Variants in CFTR observed in about 807,000 individuals in gnomAD.
The protein encoded by CFTR is cystic fibrosis transmembrane conductance regulator.
In CFTR, 181 loss-of-function variants were observed where a neutral mutation model predicts 171.6. The observed-to-expected ratio is 1.05, with a 90% CI of 0.93 to 1.19. The LOEUF (loss-of-function observed/expected upper bound fraction) is 1.19. CFTR is among the 50% of genes most tolerant of loss of function. The pLI is 0.00. For missense variants in CFTR, 1,968 were observed against 1,734.7 expected (o/e 1.13, Z -2.39); for synonymous variants, 583 against 608.0 (o/e 0.96, Z 0.60).
chr7:117,650,971 C>G (rs1314612738), intron 23 of CFTR, among the ~76,000 whole-genome samples: 1 of 152,164 alleles, frequency 6.6e-6, no homozygotes, highest in Non-Finnish European at 1.5e-5. Context: ...TGAATTCCAG[C>G]TCCTACTATC....
At chr7:117,535,442 T>G (rs1471582697) in intron 6 of CFTR, 31 bp downstream of exon 6, 1 of 1,609,366 alleles carries the variant, frequency 6.2e-7, no homozygotes, top group Admixed American at 1.7e-5. Context: ...CTTGAAAGTT[T>G]TAAAAATTAT....
intron 14 of CFTR, 44 bp downstream of exon 14, chr7:117,592,701 A>C (rs375692108): frequency 1.7e-5 from 25 of 1,455,992 alleles, no homozygotes; most frequent in Middle Eastern, 1.8e-4. Context: ...ACAGAATGCA[A>C]TTGAGTAGAA....
intron 3 of CFTR, among the ~76,000 whole-genome samples, chr7:117,515,962 G>T (rs1423020178): frequency 6.6e-6 from 1 of 151,888 alleles, no homozygotes; most frequent in Non-Finnish European, 1.5e-5. Flanking sequence ...GCCTGTTGTT[G>T]GTGTAAACAA....
chr7:117,563,385 A>G (rs868084385), intron 11 of CFTR, among the ~76,000 whole-genome samples: 3 of 152,138 alleles, frequency 2.0e-5, no homozygotes, highest in Admixed American at 1.3e-4. Context: ...GATGGACAGG[A>G]AGAGACAAGA....
chr7:117,508,067 C>T (rs1392716632), intron 2 of CFTR, among the ~76,000 whole-genome samples: 4 of 152,182 alleles, frequency 2.6e-5, no homozygotes, highest in African/African-American at 4.8e-5. Flanking sequence ...TGAGCCACTG[C>T]CCCGGCCTAT....
At chr7:117,635,873 G>C (rs901550863) in intron 22 of CFTR, among the ~76,000 whole-genome samples, 10 of 151,984 alleles carry the variant, frequency 6.6e-5, no homozygotes, top group African/African-American at 2.4e-4. Context: ...TGAAAAAACT[G>C]TTATCGTTAA....
chr7:117,508,923 G>A, intron 2 of CFTR, 111 bp from the exon 3 acceptor site: 1 of 765,578 alleles, frequency 1.3e-6, no homozygotes, highest in South Asian at 1.4e-5. Context: ...TATAATACTT[G>A]GGTTAATCTC....
chr7:117,480,075 A>G lies in CFTR; in HGVS notation c.-20A>G, dbSNP rs1235296767. The G allele has an allele frequency of 6.2e-7, 1 of 1,613,620 alleles. No individual in the cohort carries two copies. The highest frequency in any genetic ancestry group is 8.5e-7 in the Non-Finnish European group (1 of 1,179,776). ...TTGAGCCCAGACGGCCCTAGCAGGG[A>G]CCCCAGCGCCCGAGAGACCATGCAG... On this transcript the variant is annotated 5_prime_UTR_variant, in exon 1 of 27. Coordinates refer to ENST00000003084, the MANE Select transcript of CFTR (RefSeq NM_000492.4).
intron 22 of CFTR, among the ~76,000 whole-genome samples, chr7:117,642,233 T>C (rs1480472278): frequency 6.6e-6 from 1 of 152,236 alleles, no homozygotes; most frequent in Non-Finnish European, 1.5e-5. Context: ...AGTTTCTCTA[T>C]TCTGTTCCAA....
At chr7:117,588,662 G>A (rs1337424755) in intron 12 of CFTR, among the ~76,000 whole-genome samples, 6 of 152,104 alleles carry the variant, frequency 3.9e-5, no homozygotes, top group Non-Finnish European at 4.4e-5. Flanking sequence ...TTGCCTGGTA[G>A]TATTCTAGTC....
chr7:117,567,162 C>T (rs538893548), intron 11 of CFTR, among the ~76,000 whole-genome samples: 5 of 152,270 alleles, frequency 3.3e-5, no homozygotes, highest in South Asian at 2.1e-4. Context: ...CCCGATGTTT[C>T]GACCCTCTTG....
At chr7:117,503,084 T>C (rs1798357699) in intron 1 of CFTR, among the ~76,000 whole-genome samples, 1 of 152,240 alleles carries the variant, frequency 6.6e-6, no homozygotes, top group Non-Finnish European at 1.5e-5. Flanking sequence ...CAGAACAGTG[T>C]CAAAATGTTT....
intron 23 of CFTR, among the ~76,000 whole-genome samples, chr7:117,651,107 T>G (rs1339719522): frequency 6.6e-6 from 1 of 152,220 alleles, no homozygotes; most frequent in Non-Finnish European, 1.5e-5. Flanking sequence ...AGAATGAGCC[T>G]GTCCCAGGAC....
At position 117,618,478 on chromosome 7, in the gene CFTR, T is replaced by TCACACA. The variant is rs34610095; in HGVS notation, c.3468+3788_3468+3793dup. 3.9e-3 allele frequency among the ~76,000 whole-genome samples: 577 copies of TCACACA among 148,300 alleles called. 2 individuals carry two copies. The highest frequency in any genetic ancestry group is 5.9e-3 in the Non-Finnish European group (394 of 66,686). On this transcript the variant is annotated intron_variant, in intron 21 of 26. Transcript: ENST00000003084. ...CCTGAGCAATAGAGGAGACTCCGTC[T>TCACACA]CACACACACACACACACACACACAC... is the stretch of plus-strand genomic sequence containing the variant.
intron 3 of CFTR, among the ~76,000 whole-genome samples, chr7:117,522,860 G>T (rs1253300859): frequency 6.6e-6 from 1 of 152,078 alleles, no homozygotes; most frequent in Non-Finnish European, 1.5e-5. Context: ...GGTGATATCT[G>T]TAAATGGTTC....
At chr7:117,649,537 C>CA (rs1793056976) in intron 23 of CFTR, among the ~76,000 whole-genome samples, 9 of 141,088 alleles carry the variant, frequency 6.4e-5, no homozygotes, top group Non-Finnish European at 1.4e-4. Flanking sequence ...TTTCCTGAGC[C>CA]AAAACAAAAT....
At chr7:117,655,123 G>A (rs377675238) in intron 24 of CFTR, among the ~76,000 whole-genome samples, 2 of 152,248 alleles carry the variant, frequency 1.3e-5, no homozygotes, top group African/African-American at 2.4e-5. Context: ...TCCTGAGCAG[G>A]CTTTCTCATC....
intron 20 of CFTR, among the ~76,000 whole-genome samples, chr7:117,613,999 CTTTTTTTTTTT>C (rs752774658): frequency 1.4e-5 from 1 of 72,476 alleles, no homozygotes; most frequent in Non-Finnish European, 2.7e-5. Context: ...GTACAGTAAT[CTTTTTTTTTTT>C]TTTTTTTTTT....
At chr7:117,535,014 T>G (rs1798924488) in intron 5 of CFTR, among the ~76,000 whole-genome samples, 1 of 152,190 alleles carries the variant, frequency 6.6e-6, no homozygotes, top group Non-Finnish European at 1.5e-5. Context: ...AAAATATGCT[T>G]AAAAATGCAC....
Sources: allele counts gnomAD v4.1 joint callset (sites outside exome capture counted in the v4.1 genomes callset), GRCh38; gene constraint gnomAD v4.1.1; transcripts MANE v1.5; gene names NCBI Gene and HGNC (gene_info 2026-07-23, HGNC 2026-07-21).